Variants in ACAN observed in about 807,000 individuals in gnomAD.
The protein encoded by ACAN is aggrecan.
ACAN carries 47 observed loss-of-function variants against 169.1 expected under a neutral mutation model. The observed-to-expected ratio is 0.28, with a 90% CI of 0.22 to 0.35. The LOEUF (loss-of-function observed/expected upper bound fraction) is 0.35, where lower values mean the gene tolerates loss of function less well. Ranked by LOEUF, ACAN falls within the 10% of genes least tolerant of loss-of-function variation. ACAN has a pLI of 1.00. For missense variants in ACAN, 2,716 were observed against 2,759.9 expected, an observed-to-expected ratio of 0.98 and a Z score of 0.36; for synonymous variants, 1,115 against 1,112.2, an observed-to-expected ratio of 1.00 and a Z score of -0.05.
chr15:88,874,310 T>C lies in ACAN; in HGVS notation c.7631-95T>C. The C allele has an allele frequency of 7.8e-7, 1 of 1,284,414 alleles. No homozygotes were observed. Among genetic ancestry groups the C allele is most frequent in the South Asian group, 1.3e-5 (1 of 78,106 alleles). The allele number at this position is 1,284,414 out of a possible 1,614,324, so 79.6% of individuals were successfully genotyped here. A position where few individuals can be genotyped will look rare whatever the true frequency, so the allele number is the denominator to read the frequency against. ...AGCCTCAGGCGCCTGAGTCCTGGTT[T>C]CCACAAGGGAGAGAGGGTAGTCTGG... On this transcript the variant is annotated intron_variant, in intron 18 of 18. Coordinates refer to ENST00000560601, the MANE Select transcript of ACAN (RefSeq NM_001369268.1). This position sits in a 1 kb window ranked among gnomAD's most constrained non-coding sequence, Gnocchi z 7.3.
At chr15:88,840,943 G>C (rs1053738725) in intron 4 of ACAN, among the ~76,000 whole-genome samples, 7 of 152,162 alleles carry the variant, frequency 4.6e-5, no homozygotes, top group Admixed American at 4.6e-4. Flanking sequence ...AGGAGATCGA[G>C]ACCATCCTAG....
At position 88,871,843 on chromosome 15, in the gene ACAN, G is replaced by C. The variant is rs997505916; in HGVS notation, c.7220-160G>C. ...CCCGAAGTGCACTCCAGGCATGCACGTGCTGAGCCTCTTGTGAGGACCTGA... is the reference window on the plus strand; with the variant it reads ...CCCGAAGTGCACTCCAGGCATGCACCTGCTGAGCCTCTTGTGAGGACCTGA... On this transcript the variant is annotated intron_variant, in intron 15 of 18. Transcript: ENST00000560601. This position sits in a 1 kb window ranked among gnomAD's most constrained non-coding sequence, Gnocchi z 7.8. 1.3e-5 allele frequency among the ~76,000 whole-genome samples: 2 copies of C among 152,176 alleles called. No individual in the cohort carries two copies. Among genetic ancestry groups the C allele is most frequent in the Admixed American group, 6.5e-5 (1 of 15,282 alleles).
chr15:88,838,790 C>A lies in ACAN; in HGVS notation c.198C>A (p.Thr66=). Residue 66 remains threonine (T), a synonymous_variant, in exon 3 of 19, where the codon ACC becomes ACA. Transcript: ENST00000560601. The surrounding 1 kb of genome is among the most constrained non-coding windows in gnomAD (Gnocchi z 5.1). ...PMHPVTTAPS[T]APLAPRIKWS... ...ACCCTGTGACCACCGCCCCTTCTAC[C>A]GCCCCACTGGCCCCAAGAATCAAGT... 1 of 1,613,998 alleles carries A rather than the reference C, an allele frequency of 6.2e-7. No individual in the cohort carries two copies. Among genetic ancestry groups the A allele is most frequent in the Non-Finnish European group, 8.5e-7 (1 of 1,179,902 alleles).
rs372274447 is a variant in ACAN at position 88,845,804 on chromosome 15, G to C, written c.1351G>C (p.Gly451Arg). 4.5e-6 allele frequency: 7 copies of C among 1,567,910 alleles called. No individual in the cohort carries two copies. The change falls in exon 7 of 19, where the codon GGC (glycine) becomes CGC (arginine). Residue 451 changes from glycine (G) to arginine (R), a missense_variant. By Grantham distance (125) the Gly-to-Arg change is moderately radical. Around this residue, in one of 3 missense-constraint regions of ACAN, gnomAD observed 1,283 missense variants for 1,281.5 expected, o/e 1.00. Transcript: ENST00000560601. ...RPWGFPTPGL[G>R]PATAFTSEDL... is the part of the protein sequence containing the mutation. ...CTGGGGCTTTCCCACACCTGGCCTG[G>C]GCCCTGCCACGGCATTCACCAGTGA...
intron 1 of ACAN, among the ~76,000 whole-genome samples, chr15:88,835,736 T>C (rs1850860105): frequency 6.6e-6 from 1 of 152,242 alleles, no homozygotes; most frequent in Admixed American, 6.5e-5. Context: ...CAGTCTTTTC[T>C]CTCTATTCAG....
At chr15:88,827,971 C>T (rs925386902) in intron 1 of ACAN, among the ~76,000 whole-genome samples, 4 of 152,104 alleles carry the variant, frequency 2.6e-5, no homozygotes, top group African/African-American at 9.7e-5. Context: ...CCCTGGCCAT[C>T]GCACCCACCC....
Position 88,855,412 on chromosome 15 carries a change from A to T in ACAN, c.2827A>T (p.Ile943Phe). ...TVGELPSGAE[I>F]LEGSASGVGD... ...TGGTGAACTGCCCTCTGGAGCTGAG[A>T]TCCTAGAGGGCTCTGCCTCTGGAGT... The change falls in exon 12 of 19, where the codon ATC (isoleucine) becomes TTC (phenylalanine). Residue 943 changes from isoleucine to phenylalanine, a missense_variant. Transcript: ENST00000560601. 6.2e-7 allele frequency: 1 copy of T among 1,613,794 alleles called. No individual in the cohort carries two copies.
At position 88,843,251 on chromosome 15, in the gene ACAN, T is replaced by A. The variant is rs1253557213; in HGVS notation, c.758-104T>A. 8 of 1,146,112 alleles carry A rather than the reference T, an allele frequency of 7.0e-6. No homozygotes were observed. Among genetic ancestry groups the A allele is most frequent in the Non-Finnish European group, 8.4e-6 (7 of 832,378 alleles). The allele number at this position is 1,146,112 out of a possible 1,614,324, so 71.0% of individuals were successfully genotyped here. ...ATATGGGACCAGGACTTTGGGAAGT[T>A]AAAGGACTCCCAAGACCTCGTGGAA... On this transcript the variant is annotated intron_variant, in intron 5 of 18. Coordinates refer to ENST00000560601, the MANE Select transcript of ACAN (RefSeq NM_001369268.1). This position sits in a 1 kb window ranked among gnomAD's most constrained non-coding sequence, Gnocchi z 4.0.
intron 1 of ACAN, among the ~76,000 whole-genome samples, chr15:88,828,505 C>T (rs1896281385): frequency 1.3e-5 from 2 of 152,096 alleles, no homozygotes; most frequent in Admixed American, 6.6e-5. Flanking sequence ...CTCCTTTCTG[C>T]CTTTTCGTCC....
At position 88,858,737 on chromosome 15, in the gene ACAN, C is replaced by A; in HGVS notation, c.6152C>A (p.Ser2051Tyr). The A allele has an allele frequency of 6.2e-7, 1 of 1,613,954 alleles. No individual in the cohort carries two copies. The highest frequency in any genetic ancestry group is 8.5e-7 in the Non-Finnish European group (1 of 1,179,888). The change falls in exon 12 of 19, where the codon TCT (serine) becomes TAT (tyrosine). Residue 2051 changes from serine (S) to tyrosine (Y), a missense_variant. Around this residue, in one of 3 missense-constraint regions of ACAN, gnomAD observed 1,389 missense variants for 1,363.7 expected, o/e 1.02. Transcript: ENST00000560601. The surrounding 1 kb of genome is among the most constrained non-coding windows in gnomAD (Gnocchi z 4.0). Reference sequence around the variant, plus strand: ...GAGGGTGTTACTGAACCAACTATTTCTCAGGAACTAGGCCAAAGGCCCCCT... The same window carrying A: ...GAGGGTGTTACTGAACCAACTATTTATCAGGAACTAGGCCAAAGGCCCCCT... ...FVEGVTEPTI[S>Y]QELGQRPPVT... is the part of the protein sequence containing the mutation.
At chr15:88,847,071 G>A (rs1235611901) in intron 7 of ACAN, among the ~76,000 whole-genome samples, 172 bp from the exon 8 acceptor site, 2 of 152,192 alleles carry the variant, frequency 1.3e-5, no homozygotes, top group East Asian at 3.8e-4. Flanking sequence ...GCAGATGGAC[G>A]CTGCCATCCA....
chr15:88,848,160 C>T, intron 9 of ACAN, 122 bp downstream of exon 9: 1 of 1,406,090 alleles, frequency 7.1e-7, no homozygotes, highest in Non-Finnish European at 9.6e-7. Flanking sequence ...ACCCAGCTTT[C>T]CAGGTGGGAA....
intron 1 of ACAN, among the ~76,000 whole-genome samples, chr15:88,818,517 T>C (rs1369518950): frequency 2.0e-5 from 3 of 152,256 alleles, no homozygotes; most frequent in Admixed American, 2.0e-4. Context: ...GTTTCTCTTA[T>C]GGTGTGAGCA....
At chr15:88,829,643 T>C (rs1374080141) in intron 1 of ACAN, among the ~76,000 whole-genome samples, 2 of 152,188 alleles carry the variant, frequency 1.3e-5, no homozygotes, top group Non-Finnish European at 2.9e-5. Flanking sequence ...AAATAAGTGA[T>C]GTGCTGGTGA....
intron 5 of ACAN, among the ~76,000 whole-genome samples, chr15:88,842,893 A>G (rs1247587423): frequency 1.3e-5 from 2 of 152,088 alleles, no homozygotes; most frequent in Non-Finnish European, 1.5e-5. Context: ...CGGACTCTTC[A>G]GGGTCTAGAG....
chr15:88,862,997 CAAAAA>C (rs57598410), intron 13 of ACAN, among the ~76,000 whole-genome samples: 1 of 73,800 alleles, frequency 1.4e-5, no homozygotes. Flanking sequence ...CACTCGGTCT[CAAAAA>C]AAAAAAAAAA....
Position 88,854,929 on chromosome 15 carries a change from T to A in ACAN, c.2344T>A (p.Ser782Thr). ...AGGCCCTTCTGCAACTGAAGTGCCCTCTGCCTCAGAGGAACCATCCCCCTC... is the reference window on the plus strand; with the variant it reads ...AGGCCCTTCTGCAACTGAAGTGCCCACTGCCTCAGAGGAACCATCCCCCTC... The part of the protein sequence containing the change: ...TEGPSATEVP[S>T]ASEEPSPSEV... The change falls in exon 12 of 19, where the codon TCT (serine) becomes ACT (threonine). Residue 782 changes from serine to threonine, a missense_variant. This residue lies in a region of ACAN where 1,283 missense variants were observed against 1,281.5 expected (regional missense o/e 1.00). Transcript: ENST00000560601. 2 of 1,591,456 alleles carry A rather than the reference T, an allele frequency of 1.3e-6. No homozygotes were observed. Among genetic ancestry groups the A allele is most frequent in the South Asian group, 1.2e-5 (1 of 86,418 alleles).
At chr15:88,841,996 C>G (rs1178411953) in intron 5 of ACAN, 129 bp downstream of exon 5, 2 of 1,287,930 alleles carry the variant, frequency 1.6e-6, no homozygotes, top group African/African-American at 1.4e-5. Context: ...CTGTCCTCCT[C>G]TGCCATGAAG....
chr15:88,873,751 C>A lies in ACAN; in HGVS notation c.7448-91C>A. 1 of 1,355,444 alleles carries A rather than the reference C, an allele frequency of 7.4e-7. No homozygotes were observed. Among genetic ancestry groups the A allele is most frequent in the Non-Finnish European group, 1.0e-6 (1 of 981,798 alleles). 84.0% of individuals were successfully genotyped at this position (1,355,444 alleles called of 1,614,324 possible). ...CAGGGCTCACTGTCAGATGTTGAGG[C>A]TGTGTCCCCCACAGTGCCTCGGGTC... On this transcript the variant is annotated intron_variant, in intron 17 of 18. Coordinates refer to ENST00000560601, the MANE Select transcript of ACAN (RefSeq NM_001369268.1). This position sits in a 1 kb window ranked among gnomAD's most constrained non-coding sequence, Gnocchi z 7.5.
Sources: allele counts gnomAD v4.1 joint callset (sites outside exome capture counted in the v4.1 genomes callset), GRCh38; gene constraint gnomAD v4.1.1; regional missense constraint gnomAD v4.1.1; non-coding constraint Gnocchi (gnomAD v3.1); transcripts MANE v1.5; gene names NCBI Gene and HGNC (gene_info 2026-07-23, HGNC 2026-07-21).